The following AP3B2 variants were observed in gnomAD, a reference collection of about 807,000 sequenced individuals.
The protein encoded by AP3B2 is AP-3 complex subunit beta-2.
Under a neutral mutation model 126.9 loss-of-function variants are expected in AP3B2, and 50 were observed. The observed-to-expected ratio is 0.39, with a 90% CI of 0.31 to 0.50. The LOEUF (loss-of-function observed/expected upper bound fraction) is 0.50, where lower values mean the gene tolerates loss of function less well. Among genes scored for constraint, AP3B2 ranks in the 20% least tolerant of loss-of-function variants. The pLI is 0.79. For missense variants in AP3B2, 1,177 were observed against 1,426.4 expected, an observed-to-expected ratio of 0.83 and a Z score of 2.82; for synonymous variants, 541 against 565.0, an observed-to-expected ratio of 0.96 and a Z score of 0.60.
intron 1 of AP3B2, among the ~76,000 whole-genome samples, chr15:82,706,167 T>G (rs567251950): frequency 1.3e-5 from 2 of 152,286 alleles, no homozygotes; most frequent in African/African-American, 4.8e-5. Context: ...CAAACTATGC[T>G]CAACTCACTC....
chr15:82,665,106 G>A lies in AP3B2; in HGVS notation c.2028+141C>T, dbSNP rs1276610698. ...AGAAAGGGGCACTGTCCATGGAGGG[G>A]AGGGAATGCTGCTCACAGAGGAGCA... On this transcript the variant is annotated intron_variant, in intron 17 of 26. Transcript: ENST00000535359. The surrounding 1 kb of genome is among the most constrained non-coding windows in gnomAD (Gnocchi z 4.4). The A allele has an allele frequency of 3.8e-6, 4 of 1,064,310 alleles. 1 individual carries two copies. In the East Asian group the frequency reaches 1.0e-4, roughly 28 times the overall value. The allele number at this position is 1,064,310 out of a possible 1,614,324, so 65.9% of individuals were successfully genotyped here.
chr15:82,666,835 AGGGACGATGAGCTGCC>A lies in AP3B2; in HGVS notation c.1748_1763del (p.Arg583LeufsTer207). 1 of 1,614,008 alleles carries A rather than the reference AGGGACGATGAGCTGCC, an allele frequency of 6.2e-7. No individual in the cohort carries two copies. The highest frequency in any genetic ancestry group is 8.5e-7 in the Non-Finnish European group (1 of 1,179,892). On this transcript the variant is annotated frameshift_variant, in exon 15 of 27. Coordinates refer to ENST00000535359, the MANE Select transcript of AP3B2 (RefSeq NM_001278512.2). LOFTEE classifies it high-confidence loss of function. ...GGCTGAGGGCCCCACCCTGCTCGGA[AGGGACGATGAGCTGCC>A]GGGTGAAGCGCGCCCGGTCGCGAAT... is the stretch of plus-strand genomic sequence containing the variant.
rs1406965148 is a variant in AP3B2, at chr15:82,677,812, T to G, written c.1246-9A>C. ...ATGCTGCGAATATAGGTCTGTGGGA[T>G]ATGACAAAGAAATCCCTCAGTGACT... On this transcript the variant is annotated splice_polypyrimidine_tract_variant and intron_variant, in intron 11 of 26. Coordinates refer to ENST00000535359, the MANE Select transcript of AP3B2 (RefSeq NM_001278512.2). 1.3e-6 allele frequency: 2 copies of G among 1,582,836 alleles called. No homozygotes were observed. The highest frequency in any genetic ancestry group is 3.6e-5 in the Admixed American group (2 of 56,036).
At position 82,665,116 on chromosome 15, in the gene AP3B2, T is replaced by A; in HGVS notation, c.2028+131A>T. ...ACTGTCCATGGAGGGGAGGGAATGC[T>A]GCTCACAGAGGAGCACTGCCAAACC... On this transcript the variant is annotated intron_variant, in intron 17 of 26. Transcript: ENST00000535359. This position sits in a 1 kb window ranked among gnomAD's most constrained non-coding sequence, Gnocchi z 4.4. The A allele has an allele frequency of 8.9e-7, 1 of 1,119,900 alleles. No homozygotes were observed. Among genetic ancestry groups the A allele is most frequent in the South Asian group, 1.4e-5 (1 of 69,454 alleles). 69.4% of individuals were successfully genotyped at this position (1,119,900 alleles called of 1,614,324 possible).
Position 82,659,992 on chromosome 15 carries a change from A to G in AP3B2, c.3017-9T>C. The G allele has an allele frequency of 6.2e-7, 1 of 1,613,514 alleles. No homozygotes were observed. The highest frequency in any genetic ancestry group is 8.5e-7 in the Non-Finnish European group (1 of 1,179,726). On this transcript the variant is annotated splice_polypyrimidine_tract_variant and intron_variant, in intron 25 of 26. Transcript: ENST00000535359. ...CATGCCCATCAGCTTTCCTGGGGGT[A>G]GAGGTCGTGATGAGGGCAGAGGCCA...
At position 82,664,312 on chromosome 15, in the gene AP3B2, C is replaced by T. The variant is rs1248197210; in HGVS notation, c.2261+55G>A. On this transcript the variant is annotated intron_variant, in intron 19 of 26. Coordinates refer to ENST00000535359, the MANE Select transcript of AP3B2 (RefSeq NM_001278512.2). The surrounding 1 kb of genome is among the most constrained non-coding windows in gnomAD (Gnocchi z 4.5). ...CTGGCTAAAGCTCAATGCTAGCCCT[C>T]TTTCCAGGAAAGCCCCCTGAACCCC... is the stretch of plus-strand genomic sequence containing the variant. The T allele has an allele frequency of 6.2e-7, 1 of 1,611,384 alleles. No individual in the cohort carries two copies. The highest frequency in any genetic ancestry group is 1.3e-5 in the African/African-American group (1 of 74,908).
At chr15:82,682,775 A>G (rs2151442963) in intron 4 of AP3B2, among the ~76,000 whole-genome samples, 1 of 152,228 alleles carries the variant, frequency 6.6e-6, no homozygotes, top group South Asian at 2.1e-4. Flanking sequence ...TAAGCATGCA[A>G]TAGCATTATG....
chr15:82,677,219 T>G, intron 13 of AP3B2, 55 bp downstream of exon 13: 1 of 1,410,638 alleles, frequency 7.1e-7, no homozygotes, highest in Non-Finnish European at 9.9e-7. Flanking sequence ...TATACAGTCT[T>G]GAAATCATGG....
In AP3B2 at chr15:82,700,397, C is replaced by CTTTTTTTTTTTTTTTTTTTTTT. The variant is rs1226910164; in HGVS notation, c.113+9196_113+9197insAAAAAAAAAAAAAAAAAAAAAA. Among the ~76,000 whole-genome samples the CTTTTTTTTTTTTTTTTTTTTTT allele has an allele frequency of 8.7e-3, 306 of 35,082 alleles. 129 individuals carry two copies. Among genetic ancestry groups the CTTTTTTTTTTTTTTTTTTTTTT allele is most frequent in the Admixed American group, 0.012 (22 of 1,864 alleles). 23.0% of individuals were successfully genotyped at this position (35,082 alleles called of 152,430 possible). ...CCACTGGCCTGCCAGTGGTGGGTGG[C>CTTTTTTTTTTTTTTTTTTTTTT]TTTTTTTTTTTTTTTTTTCAGATGG... On this transcript the variant is annotated intron_variant, in intron 1 of 26. Transcript: ENST00000535359.
intron 4 of AP3B2, among the ~76,000 whole-genome samples, chr15:82,682,769 C>A (rs2048362277): frequency 6.6e-6 from 1 of 151,670 alleles, no homozygotes; most frequent in Admixed American, 6.6e-5. Flanking sequence ...GTCTACTAAG[C>A]ATGCAATAGC....
At chr15:82,662,324 G>T in intron 23 of AP3B2, 72 bp from the exon 24 acceptor site, 2 of 1,182,616 alleles carry the variant, frequency 1.7e-6, no homozygotes, top group Non-Finnish European at 2.5e-6. Flanking sequence ...ACCCAGCCTA[G>T]CCCTACTCTC....
At chr15:82,688,671 G>A (rs1384822626) in intron 4 of AP3B2, 65 bp downstream of exon 4, 2 of 1,445,374 alleles carry the variant, frequency 1.4e-6, no homozygotes, top group African/African-American at 1.4e-5. Flanking sequence ...CCTCTCCCCA[G>A]GCCTACTCCT....
chr15:82,659,983 C>T lies in AP3B2; in HGVS notation c.3017G>A (p.Gly1006Glu), dbSNP rs1234462995. Residue 1006 changes from glycine (G) to glutamate (E), a missense_variant and splice_region_variant, in exon 26 of 27, where the codon GGA becomes GAA. Physicochemically the swap from Gly to Glu is moderately conservative, Grantham distance 98. Around this residue, in one of 5 missense-constraint regions of AP3B2, gnomAD observed 587 missense variants for 571.3 expected, o/e 1.03. Coordinates refer to ENST00000535359, the MANE Select transcript of AP3B2 (RefSeq NM_001278512.2). ...MSENEFKKEQ[G>E]KLMGMNEITE... ...GATCTCATTCATGCCCATCAGCTTT[C>T]CTGGGGGTAGAGGTCGTGATGAGGG... 2.5e-6 allele frequency: 4 copies of T among 1,613,762 alleles called. No individual in the cohort carries two copies. Among genetic ancestry groups the T allele is most frequent in the South Asian group, 2.2e-5 (2 of 91,076 alleles).
chr15:82,675,943 A>C (rs1467087685), intron 14 of AP3B2, among the ~76,000 whole-genome samples: 2 of 152,054 alleles, frequency 1.3e-5, no homozygotes, highest in African/African-American at 4.8e-5. Context: ...TGATACTACA[A>C]CTTAGTTGAG....
intron 1 of AP3B2, among the ~76,000 whole-genome samples, chr15:82,708,172 T>C (rs2048826259): frequency 6.6e-6 from 1 of 152,124 alleles, no homozygotes; most frequent in African/African-American, 2.4e-5. Flanking sequence ...TTCTCCTGGC[T>C]CATCCTGGCT....
At position 82,709,647 on chromosome 15, in the gene AP3B2, G is replaced by C. The variant is rs969324317; in HGVS notation, c.60C>G (p.Pro20=). The part of the protein sequence containing the change: ...DKGGSAGPGE[P]EYGHDPASGG... ...CGCTCGCGGGGTCGTGGCCGTACTC[G>C]GGCTCCCCGGGGCCAGCGGAGCCGC... Residue 20 remains proline (P), a synonymous_variant, in exon 1 of 27, where the codon CCC becomes CCG. Coordinates refer to ENST00000535359, the MANE Select transcript of AP3B2 (RefSeq NM_001278512.2). The C allele has an allele frequency of 2.6e-6, 4 of 1,518,412 alleles. No individual in the cohort carries two copies. The highest frequency in any genetic ancestry group is 1.8e-6 in the Non-Finnish European group (2 of 1,135,930). The allele number at this position is 1,518,412 out of a possible 1,614,324, so 94.1% of individuals were successfully genotyped here. A position where few individuals can be genotyped will look rare whatever the true frequency, so the allele number is the denominator to read the frequency against.
At position 82,681,294 on chromosome 15, in the gene AP3B2, C is replaced by A; in HGVS notation, c.522-116G>T. On this transcript the variant is annotated intron_variant, in intron 5 of 26. Transcript: ENST00000535359. The surrounding 1 kb of genome is among the most constrained non-coding windows in gnomAD (Gnocchi z 4.0). ...CCTTATTGTTCTCCTCCATCTCTGT[C>A]AGTCCCCCAAACTACCCTCCTCAAA... 1.3e-6 allele frequency: 2 copies of A among 1,520,090 alleles called. No individual in the cohort carries two copies. Among genetic ancestry groups the A allele is most frequent in the Non-Finnish European group, 8.9e-7 (1 of 1,118,320 alleles). 94.2% of individuals were successfully genotyped at this position (1,520,090 alleles called of 1,614,324 possible).
chr15:82,681,624 G>T lies in AP3B2; in HGVS notation c.361-44C>A. On this transcript the variant is annotated intron_variant, in intron 4 of 26. Coordinates refer to ENST00000535359, the MANE Select transcript of AP3B2 (RefSeq NM_001278512.2). This position sits in a 1 kb window ranked among gnomAD's most constrained non-coding sequence, Gnocchi z 4.0. ...GCAGAGCTATGAAAGGGCACCAGGT[G>T]CCCTGATGGGGGGAGGCCACACCTT... The T allele has an allele frequency of 6.3e-7, 1 of 1,593,484 alleles. No individual in the cohort carries two copies. Among genetic ancestry groups the T allele is most frequent in the Non-Finnish European group, 8.5e-7 (1 of 1,171,452 alleles).
chr15:82,662,062 C>G (rs1307523252), intron 24 of AP3B2, 106 bp downstream of exon 24: 2 of 1,324,322 alleles, frequency 1.5e-6, no homozygotes, highest in Admixed American at 4.0e-5. Flanking sequence ...CCAGACCCAC[C>G]CAATCATGAT....
Sources: gnomAD v4.1 joint callset for allele counts (sites outside exome capture counted in the v4.1 genomes callset) on GRCh38, gnomAD v4.1.1 for gene constraint, gnomAD v4.1.1 regional missense constraint, Gnocchi (gnomAD v3.1) non-coding constraint, MANE v1.5 for transcripts, NCBI Gene and HGNC (gene_info 2026-07-23, HGNC 2026-07-21) for gene names.